Variants in CAMTA1 observed in about 807,000 individuals in gnomAD.
CAMTA1 encodes the protein calmodulin binding transcription activator 1.
CAMTA1 carries 27 observed loss-of-function variants against 170.9 expected under a neutral mutation model. The observed-to-expected ratio is 0.16, with a 90% CI of 0.12 to 0.22. The LOEUF (loss-of-function observed/expected upper bound fraction) is 0.22. Among genes scored for constraint, CAMTA1 ranks in the 10% least tolerant of loss-of-function variants. CAMTA1 has a pLI of 1.00. For synonymous variants in CAMTA1, 833 were observed against 891.5 expected, an observed-to-expected ratio of 0.93 and a Z score of 1.17; for missense variants, 1,619 against 2,217.2, an observed-to-expected ratio of 0.73 and a Z score of 5.42.
intron 6 of CAMTA1, among the ~76,000 whole-genome samples, chr1:7,550,628 C>G (rs981695458): frequency 4.6e-5 from 7 of 151,504 alleles, no homozygotes; most frequent in Non-Finnish European, 7.4e-5. Context: ...TCCCACCTGG[C>G]CCCTCACCTA....
intron 5 of CAMTA1, among the ~76,000 whole-genome samples, chr1:7,424,254 C>A (rs967639840): frequency 1.3e-5 from 2 of 152,176 alleles, no homozygotes; most frequent in Non-Finnish European, 2.9e-5. Context: ...TCATTTATCA[C>A]ATAAACATCA....
At chr1:7,555,010 G>A (rs2094857401) in intron 6 of CAMTA1, among the ~76,000 whole-genome samples, 1 of 151,996 alleles carries the variant, frequency 6.6e-6, no homozygotes, top group Non-Finnish European at 1.5e-5. Context: ...GGGTAATGAT[G>A]TGTGAATGCT....
intron 3 of CAMTA1, among the ~76,000 whole-genome samples, chr1:7,072,182 C>G (rs188175954): frequency 2.6e-5 from 4 of 152,348 alleles, no homozygotes. Context: ...TTTTCCAATT[C>G]AAACATCTTA....
intron 1 of CAMTA1, among the ~76,000 whole-genome samples, chr1:6,810,705 T>C (rs950202091): frequency 7.2e-5 from 11 of 151,998 alleles, no homozygotes; most frequent in African/African-American, 2.7e-4. Flanking sequence ...CTCCGGAGGC[T>C]GAGGCAGGAG....
At chr1:7,047,170 C>A (rs556899793) in intron 3 of CAMTA1, among the ~76,000 whole-genome samples, 1 of 152,264 alleles carries the variant, frequency 6.6e-6, no homozygotes, top group South Asian at 2.1e-4. Context: ...GTCTCCTCCC[C>A]CACAACATGC....
At chr1:7,427,987 C>G (rs868665161) in intron 5 of CAMTA1, among the ~76,000 whole-genome samples, 4 of 152,192 alleles carry the variant, frequency 2.6e-5, no homozygotes, top group Admixed American at 6.5e-5. Flanking sequence ...GCAAGGGAGG[C>G]TCCAGGACGT....
At chr1:7,610,789 G>A (rs1331558738) in intron 6 of CAMTA1, among the ~76,000 whole-genome samples, 1 of 152,218 alleles carries the variant, frequency 6.6e-6, no homozygotes, top group Non-Finnish European at 1.5e-5. Context: ...GGCAAGGATG[G>A]GTCCTTGCCC....
chr1:7,109,576 C>G (rs1212048300), intron 4 of CAMTA1, among the ~76,000 whole-genome samples: 1 of 152,214 alleles, frequency 6.6e-6, no homozygotes, highest in Admixed American at 6.5e-5. Context: ...CCTCCTAACA[C>G]AGCTCTCGTT....
At chr1:7,227,564 G>A (rs1008422053) in intron 4 of CAMTA1, among the ~76,000 whole-genome samples, 13 of 152,042 alleles carry the variant, frequency 8.6e-5, no homozygotes, top group African/African-American at 2.9e-4. Flanking sequence ...CCCAACCTCA[G>A]GTGATCCACC....
Position 7,664,757 on chromosome 1 carries a change from C to T in CAMTA1, c.2210C>T (p.Pro737Leu), listed in dbSNP as rs755139563. ...AGCGCCGGCGGCGTCCCCATCCTCC[C>T]GGGCAACGTGGTGCAGGGACTCTAC... is the stretch of plus-strand genomic sequence containing the variant. ...IRSAGGVPILPGNVVQGLYPV... is the reference protein window; with the variant it reads ...IRSAGGVPILLGNVVQGLYPV... Residue 737 changes from proline to leucine, a missense_variant, in exon 9 of 23, where the codon CCG becomes CTG. Around this residue, in one of 8 missense-constraint regions of CAMTA1, gnomAD observed 731 missense variants for 907.6 expected, o/e 0.81. Coordinates refer to ENST00000303635, the MANE Select transcript of CAMTA1 (RefSeq NM_015215.4). 1.2e-5 allele frequency: 19 copies of T among 1,608,594 alleles called. No individual in the cohort carries two copies. In the Middle Eastern group the frequency reaches 4.9e-4, roughly 42 times the overall value.
chr1:6,851,173 G>A (rs147537592), intron 3 of CAMTA1, among the ~76,000 whole-genome samples: 1 of 152,130 alleles, frequency 6.6e-6, no homozygotes, highest in African/African-American at 2.4e-5. Flanking sequence ...AAAGGGTAAG[G>A]TATGTAGTAT....
intron 4 of CAMTA1, among the ~76,000 whole-genome samples, chr1:7,120,270 G>A (rs1188768888): frequency 6.6e-6 from 1 of 152,222 alleles, no homozygotes; most frequent in Non-Finnish European, 1.5e-5. Flanking sequence ...TGTCCCTCAT[G>A]AAGCTGCAGT....
In CAMTA1 at chr1:7,580,077, G is replaced by GCACA. The variant is rs964977758; in HGVS notation, c.511-60320_511-60317dup. On this transcript the variant is annotated intron_variant, in intron 6 of 22. Coordinates refer to ENST00000303635, the MANE Select transcript of CAMTA1 (RefSeq NM_015215.4). The surrounding 1 kb of genome is among the most constrained non-coding windows in gnomAD (Gnocchi z 4.3). ...CATTCTGGCCTCTGGCCTGTGCCAG[G>GCACA]CACACAGCTAGGAGCTGGGCCTTGC... 6.6e-6 allele frequency among the ~76,000 whole-genome samples: 1 copy of GCACA among 152,260 alleles called. No homozygotes were observed. The highest frequency in any genetic ancestry group is 2.4e-5 in the African/African-American group (1 of 41,472).
intron 4 of CAMTA1, among the ~76,000 whole-genome samples, chr1:7,124,348 G>A (rs568002460): frequency 6.6e-6 from 1 of 152,130 alleles, no homozygotes; most frequent in East Asian, 1.9e-4. Context: ...TGTCCCTCCC[G>A]TTGTGGAAGC....
chr1:7,094,273 C>T (rs901130245), intron 4 of CAMTA1, among the ~76,000 whole-genome samples: 13 of 147,672 alleles, frequency 8.8e-5, no homozygotes, highest in African/African-American at 3.3e-4. Flanking sequence ...CCCACCCCAT[C>T]TCTAGTATTG....
rs78231163 is a variant in CAMTA1, at chr1:7,487,236, C to T, written c.510+19335C>T. Among the ~76,000 whole-genome samples, 399 of 152,186 alleles carry T rather than the reference C, an allele frequency of 2.6e-3. 1 individual carries two copies. The highest frequency in any genetic ancestry group is 9.1e-3 in the African/African-American group (379 of 41,506). On this transcript the variant is annotated intron_variant, in intron 6 of 22. Transcript: ENST00000303635. ...GCTACTCTTCAAGCTCCTCAGTTAA[C>T]CATGGAGCAAAGAGTTGTGGCCACC...
chr1:7,597,932 A>C (rs2095412936), intron 6 of CAMTA1, among the ~76,000 whole-genome samples: 1 of 147,198 alleles, frequency 6.8e-6, no homozygotes, highest in African/African-American at 2.5e-5. Context: ...TCAACCCGTC[A>C]TCTACTTTTT....
At chr1:6,884,659 A>G (rs1452655770) in intron 3 of CAMTA1, among the ~76,000 whole-genome samples, 1 of 152,144 alleles carries the variant, frequency 6.6e-6, no homozygotes. Context: ...AAATCCTACA[A>G]ACCCCACTGT....
intron 3 of CAMTA1, among the ~76,000 whole-genome samples, chr1:6,956,061 C>T (rs577595192): frequency 9.9e-5 from 15 of 152,270 alleles, no homozygotes; most frequent in Admixed American, 2.6e-4. Context: ...TACTGAGCGT[C>T]GCCTCAGTTT....
Sources: allele counts gnomAD v4.1 joint callset (sites outside exome capture counted in the v4.1 genomes callset), GRCh38; gene constraint gnomAD v4.1.1; regional missense constraint gnomAD v4.1.1; non-coding constraint Gnocchi (gnomAD v3.1); transcripts MANE v1.5; gene names NCBI Gene and HGNC (gene_info 2026-07-23, HGNC 2026-07-21).